Variants in EPHA6 observed in about 807,000 individuals in gnomAD.
EPHA6 encodes the protein ephrin type-A receptor 6.
Under a neutral mutation model 112.0 loss-of-function variants are expected in EPHA6, and 50 were observed. The observed-to-expected ratio is 0.45, with a 90% CI of 0.36 to 0.56. The LOEUF (loss-of-function observed/expected upper bound fraction) is 0.56. Among genes scored for constraint, EPHA6 ranks in the 20% least tolerant of loss-of-function variants. The pLI is 0.00. For missense variants in EPHA6, 1,280 were observed against 1,417.4 expected (o/e 0.90, Z 1.56); for synonymous variants, 529 against 490.7 (o/e 1.08, Z -1.03).
chr3:97,365,535 C>T (rs1200817260), intron 5 of EPHA6, among the ~76,000 whole-genome samples: 1 of 152,010 alleles, frequency 6.6e-6, no homozygotes, highest in Non-Finnish European at 1.5e-5. Context: ...GCACACGCCA[C>T]CACACCCAGC....
intron 3 of EPHA6, among the ~76,000 whole-genome samples, chr3:97,046,470 G>C (rs1043403543): frequency 2.6e-5 from 4 of 152,106 alleles, no homozygotes; most frequent in Non-Finnish European, 4.4e-5. Context: ...TGAAAGTTTA[G>C]AAGAATTGAA....
chr3:96,919,851 T>C (rs770374374), intron 2 of EPHA6, among the ~76,000 whole-genome samples: 1 of 151,862 alleles, frequency 6.6e-6, no homozygotes, highest in Non-Finnish European at 1.5e-5. Context: ...AGAAAAGGAG[T>C]GCATAAAAGT....
At chr3:97,198,922 G>A (rs2077509959) in intron 3 of EPHA6, among the ~76,000 whole-genome samples, 1 of 152,088 alleles carries the variant, frequency 6.6e-6, no homozygotes, top group Admixed American at 6.5e-5. Flanking sequence ...AGAAGGGCAT[G>A]GCATTTACTT....
chr3:97,031,277 C>A (rs1055876413), intron 3 of EPHA6, among the ~76,000 whole-genome samples: 2 of 152,058 alleles, frequency 1.3e-5, no homozygotes, highest in African/African-American at 2.4e-5. Flanking sequence ...ATTCCTTACA[C>A]CGTATACAAA....
At chr3:96,930,768 G>T (rs1370817917) in intron 2 of EPHA6, among the ~76,000 whole-genome samples, 1 of 151,980 alleles carries the variant, frequency 6.6e-6, no homozygotes, top group Non-Finnish European at 1.5e-5. Flanking sequence ...GAGGTGGGCA[G>T]ATCACCTAAG....
intron 5 of EPHA6, among the ~76,000 whole-genome samples, chr3:97,253,022 G>T (rs1026119777): frequency 1.3e-5 from 2 of 152,116 alleles, no homozygotes; most frequent in African/African-American, 4.8e-5. Context: ...ATGCCTGTGT[G>T]TTTGAGACAT....
intron 3 of EPHA6, among the ~76,000 whole-genome samples, chr3:97,150,606 T>C (rs72922337): frequency 6.6e-6 from 1 of 152,068 alleles, no homozygotes; most frequent in African/African-American, 2.4e-5. Flanking sequence ...GATACTCTGG[T>C]TGCCTTTATA....
At chr3:97,077,246 G>C (rs1233782631) in intron 3 of EPHA6, among the ~76,000 whole-genome samples, 1 of 152,056 alleles carries the variant, frequency 6.6e-6, no homozygotes, top group Non-Finnish European at 1.5e-5. Flanking sequence ...ACATTAATAG[G>C]AGTTGGAAGA....
chr3:97,407,720 T>C (rs2087447712), intron 6 of EPHA6, among the ~76,000 whole-genome samples: 1 of 151,936 alleles, frequency 6.6e-6, no homozygotes, highest in African/African-American at 2.4e-5. Context: ...TACAAAACTT[T>C]TTATTTTTTT....
chr3:97,152,288 A>G (rs2076187612), intron 3 of EPHA6, among the ~76,000 whole-genome samples: 1 of 151,918 alleles, frequency 6.6e-6, no homozygotes, highest in Non-Finnish European at 1.5e-5. Context: ...TAAAAATAAT[A>G]ATAGAGTTTA....
At chr3:97,407,441 A>T (rs1407919528) in intron 6 of EPHA6, among the ~76,000 whole-genome samples, 5 of 151,432 alleles carry the variant, frequency 3.3e-5, no homozygotes. Flanking sequence ...AAAAATTAAG[A>T]CCCTAGCATT....
At chr3:96,882,724 G>A (rs1269179581) in intron 2 of EPHA6, among the ~76,000 whole-genome samples, 1 of 142,788 alleles carries the variant, frequency 7.0e-6, no homozygotes, top group Non-Finnish European at 1.5e-5. Flanking sequence ...GTATTCCATT[G>A]TGTGTCTGTG....
At chr3:97,094,351 A>G (rs1020594397) in intron 3 of EPHA6, among the ~76,000 whole-genome samples, 2 of 152,122 alleles carry the variant, frequency 1.3e-5, no homozygotes, top group African/African-American at 4.8e-5. Context: ...GTAGAATTTA[A>G]TATTCTGGTC....
intron 5 of EPHA6, among the ~76,000 whole-genome samples, chr3:97,265,299 C>G (rs563964730): frequency 6.6e-6 from 1 of 152,158 alleles, no homozygotes; most frequent in South Asian, 2.1e-4. Context: ...TGCCTCCTGC[C>G]GTCCTCCATG....
At chr3:97,457,277 T>C (rs1407119431) in intron 7 of EPHA6, among the ~76,000 whole-genome samples, 1 of 152,092 alleles carries the variant, frequency 6.6e-6, no homozygotes, top group African/African-American at 2.4e-5. Flanking sequence ...AGCGATGATA[T>C]ATAAATGTGG....
At chr3:97,481,598 T>C in intron 9 of EPHA6, 1 of 524,942 alleles carries the variant, frequency 1.9e-6, no homozygotes, top group East Asian at 4.2e-5. Flanking sequence ...TCAGAAAGTC[T>C]TCAGGGAGCA....
intron 5 of EPHA6, among the ~76,000 whole-genome samples, chr3:97,346,858 T>C (rs2083559388): frequency 6.6e-6 from 1 of 152,082 alleles, no homozygotes; most frequent in Admixed American, 6.6e-5. Flanking sequence ...ACATATGAGG[T>C]ATTTTTCTGA....
At chr3:96,945,761 A>G (rs1039567805) in intron 2 of EPHA6, among the ~76,000 whole-genome samples, 1 of 152,206 alleles carries the variant, frequency 6.6e-6, no homozygotes, top group Non-Finnish European at 1.5e-5. Context: ...TGTAAAATTT[A>G]TCTTAAAGGC....
intron 3 of EPHA6, among the ~76,000 whole-genome samples, chr3:97,205,994 A>T (rs1159081617): frequency 2.0e-5 from 3 of 152,114 alleles, no homozygotes; most frequent in Non-Finnish European, 4.4e-5. Context: ...ATTTGAATGT[A>T]AGGCTTCTGC....
Sources: allele counts gnomAD v4.1 joint callset (sites outside exome capture counted in the v4.1 genomes callset), GRCh38; gene constraint gnomAD v4.1.1; transcripts MANE v1.5; gene names NCBI Gene and HGNC (gene_info 2026-07-23, HGNC 2026-07-21).